FBN2: variants seen among roughly 807,000 people sequenced by gnomAD.
The protein encoded by FBN2 is fibrillin 2.
Under a neutral mutation model 355.6 loss-of-function variants are expected in FBN2, and 105 were observed. The observed-to-expected ratio is 0.30, with a 90% CI of 0.25 to 0.35. The LOEUF (loss-of-function observed/expected upper bound fraction) is 0.35, where lower values mean the gene tolerates loss of function less well. Among genes scored for constraint, FBN2 ranks in the 10% least tolerant of loss-of-function variants. The pLI is 1.00. For synonymous variants in FBN2, 1,350 were observed against 1,301.2 expected (o/e 1.04, Z -0.81); for missense variants, 3,280 against 3,758.7 (o/e 0.87, Z 3.33).
intron 37 of FBN2, 59 bp from the exon 38 acceptor site, chr5:128,312,012 G>C: frequency 8.3e-7 from 1 of 1,201,144 alleles, no homozygotes; most frequent in South Asian, 1.3e-5. Flanking sequence ...CTGAGACAAT[G>C]AGCAAGCATT....
intron 41 of FBN2, 96 bp downstream of exon 41, chr5:128,309,151 C>A: frequency 7.4e-7 from 1 of 1,345,624 alleles, no homozygotes; most frequent in Non-Finnish European, 1.1e-6. Context: ...AACTGAGCAT[C>A]TCTAGTTTTA....
intron 7 of FBN2, among the ~76,000 whole-genome samples, chr5:128,416,678 A>C (rs1753208793): frequency 6.6e-6 from 1 of 152,124 alleles, no homozygotes; most frequent in Admixed American, 6.6e-5. Flanking sequence ...TCCATTCCTC[A>C]ATGTTGTTTT....
At chr5:128,278,889 A>G (rs752774023) in intron 56 of FBN2, 48 bp from the exon 57 acceptor site, 68 of 1,468,676 alleles carry the variant, frequency 4.6e-5, no homozygotes, top group Admixed American at 1.4e-4. Context: ...CTGACATTTC[A>G]TTATCCTGGC....
At chr5:128,320,713 G>A (rs1750345239) in intron 34 of FBN2, among the ~76,000 whole-genome samples, 1 of 152,126 alleles carries the variant, frequency 6.6e-6, no homozygotes, top group Non-Finnish European at 1.5e-5. Context: ...CATTTAAGAT[G>A]ATGAGACATT....
chr5:128,433,330 G>A (rs2127033846), intron 7 of FBN2, among the ~76,000 whole-genome samples: 1 of 152,218 alleles, frequency 6.6e-6, no homozygotes, highest in East Asian at 1.9e-4. Context: ...TTTGAAGTTA[G>A]ACTGCAGTAC....
chr5:128,380,512 T>G (rs1752203517), intron 11 of FBN2, among the ~76,000 whole-genome samples: 1 of 152,056 alleles, frequency 6.6e-6, no homozygotes, highest in Non-Finnish European at 1.5e-5. Context: ...CTATGGCAGC[T>G]CTGTCAGCTA....
chr5:128,415,849 C>A (rs896186596), intron 7 of FBN2, among the ~76,000 whole-genome samples: 1 of 152,118 alleles, frequency 6.6e-6, no homozygotes, highest in African/African-American at 2.4e-5. Context: ...TTCTCCACAT[C>A]CTTACCAGCA....
intron 28 of FBN2, 80 bp downstream of exon 28, chr5:128,335,908 T>C: frequency 6.9e-7 from 1 of 1,452,972 alleles, no homozygotes. Context: ...TTGCATAGCC[T>C]TCATTATAAT....
At chr5:128,379,483 A>AT (rs571036069) in intron 11 of FBN2, among the ~76,000 whole-genome samples, 35 of 152,066 alleles carry the variant, frequency 2.3e-4, no homozygotes, top group Non-Finnish European at 3.7e-4. Flanking sequence ...AACAAAGCCT[A>AT]TTTTTTTCAG....
At chr5:128,434,932 G>A (rs185074588) in intron 7 of FBN2, among the ~76,000 whole-genome samples, 2 of 152,186 alleles carry the variant, frequency 1.3e-5, no homozygotes, top group Admixed American at 1.3e-4. Flanking sequence ...TGAGAAAGAT[G>A]TCTTGGAGGC....
intron 45 of FBN2, 39 bp from the exon 46 acceptor site, chr5:128,303,128 C>T (rs1470500503): frequency 1.6e-6 from 2 of 1,280,320 alleles, no homozygotes; most frequent in Middle Eastern, 1.8e-4. Context: ...CAATTTTTAA[C>T]TAGAAAAAAA....
chr5:128,288,501 T>A lies in FBN2; in HGVS notation c.6694A>T (p.Ile2232Phe). The change falls in exon 53 of 65, where the codon ATT (isoleucine) becomes TTT (phenylalanine). Residue 2232 changes from isoleucine to phenylalanine, a missense_variant. Physicochemically the swap from Ile to Phe is conservative, Grantham distance 21. Transcript: ENST00000262464. The stretch of plus-strand genomic sequence containing the variant: ...TTGCAATTGCATTCAAAACTCCCAA[T>A]AACATTGGTGCATGTACCATTTCCA... ...PCGNGTCTNV[I>F]GSFECNCNEG... is the part of the protein sequence containing the mutation. 1 of 1,613,878 alleles carries A rather than the reference T, an allele frequency of 6.2e-7. No homozygotes were observed. The highest frequency in any genetic ancestry group is 8.5e-7 in the Non-Finnish European group (1 of 1,179,830).
chr5:128,406,164 G>A (rs1443786394), intron 8 of FBN2, among the ~76,000 whole-genome samples: 1 of 152,166 alleles, frequency 6.6e-6, no homozygotes, highest in Non-Finnish European at 1.5e-5. Context: ...ATCTGCGGGG[G>A]ATACGTTTTA....
At chr5:128,360,045 T>C (rs916297967) in intron 19 of FBN2, among the ~76,000 whole-genome samples, 1 of 152,142 alleles carries the variant, frequency 6.6e-6, no homozygotes, top group Admixed American at 6.5e-5. Context: ...TAAATCAAGA[T>C]GACGTCCTAC....
chr5:128,497,673 A>G (rs1045921692), intron 5 of FBN2, among the ~76,000 whole-genome samples: 3 of 152,308 alleles, frequency 2.0e-5, no homozygotes, highest in Non-Finnish European at 4.4e-5. Context: ...TCTAGTTCAC[A>G]GTGATGTCTC....
intron 64 of FBN2, 65 bp from the exon 65 acceptor site, chr5:128,259,894 G>C (rs1275381615): frequency 1.9e-6 from 3 of 1,560,402 alleles, no homozygotes; most frequent in South Asian, 1.1e-5. Flanking sequence ...ACTAGAAAGA[G>C]ATCAGCTGCA....
chr5:128,351,119 AC>A, intron 20 of FBN2, 114 bp from the exon 21 acceptor site: 13 of 1,269,696 alleles, frequency 1.0e-5, no homozygotes, highest in South Asian at 1.2e-5. Flanking sequence ...TTACTGGCTC[AC>A]GCCTGTAATC....
intron 23 of FBN2, among the ~76,000 whole-genome samples, chr5:128,347,613 A>C (rs1397515271): frequency 6.6e-6 from 1 of 152,118 alleles, no homozygotes; most frequent in Non-Finnish European, 1.5e-5. Context: ...ATTTACCAAA[A>C]CTTTAGTTCT....
intron 4 of FBN2, among the ~76,000 whole-genome samples, chr5:128,522,597 C>T (rs921966354): frequency 1.1e-4 from 17 of 152,076 alleles, no homozygotes; most frequent in African/African-American, 4.1e-4. Flanking sequence ...TAAGACAAGA[C>T]GTCTGCAGCA....
Sources: allele counts gnomAD v4.1 joint callset (sites outside exome capture counted in the v4.1 genomes callset), GRCh38; gene constraint gnomAD v4.1.1; transcripts MANE v1.5; gene names NCBI Gene and HGNC (gene_info 2026-07-23, HGNC 2026-07-21).